The following CAMTA1 variants were observed in gnomAD, a reference collection of about 807,000 sequenced individuals.
The protein encoded by CAMTA1 is calmodulin-binding transcription activator 1.
CAMTA1 carries 27 observed loss-of-function variants against 170.9 expected under a neutral mutation model. That is an observed-to-expected ratio of 0.16 (90% confidence interval 0.12 to 0.22). The LOEUF is 0.22. CAMTA1 is among the 10% of genes least tolerant of loss of function. The pLI, the probability that CAMTA1 is intolerant of heterozygous loss-of-function variation, is 1.00. For synonymous variants in CAMTA1, 833 were observed against 891.5 expected (o/e 0.93, Z 1.17); for missense variants, 1,619 against 2,217.2 (o/e 0.73, Z 5.42).
chr1:7,404,482 C>T (rs56972955), intron 5 of CAMTA1, among the ~76,000 whole-genome samples: 3,046 of 152,328 alleles, frequency 0.02, 98 homozygotes, highest in African/African-American at 0.069. Context: ...GCGGGCTTCC[C>T]GAGGAGAGTG....
At chr1:7,675,917 T>TG (rs1171446957) in intron 10 of CAMTA1, among the ~76,000 whole-genome samples, 1 of 152,190 alleles carries the variant, frequency 6.6e-6, no homozygotes, top group Non-Finnish European at 1.5e-5. Context: ...AGAAATGCCT[T>TG]GGAGTCTGCC....
rs1040036608 is a variant in CAMTA1, at chr1:7,745,963, G to C, written c.4489G>C (p.Glu1497Gln). The stretch of plus-strand genomic sequence containing the variant: ...CCTTCCCTCCGCCGCGGATTGGTCA[G>C]AATTCCTGAGTGCATCTACCAGTGA... The part of the protein sequence containing the change: ...PNLPSAADWS[E>Q]FLSASTSEKV... The change falls in exon 18 of 23, where the codon GAA becomes CAA. Residue 1497 changes from glutamate to glutamine, a missense_variant. Physicochemically the swap from Glu to Gln is conservative, Grantham distance 29. Around this residue, in one of 8 missense-constraint regions of CAMTA1, gnomAD observed 370 missense variants for 429.4 expected, o/e 0.86. Transcript: ENST00000303635. 1.2e-6 allele frequency: 2 copies of C among 1,614,092 alleles called. No individual in the cohort carries two copies. The highest frequency in any genetic ancestry group is 2.7e-5 in the African/African-American group (2 of 74,926).
chr1:7,564,993 G>A (rs1433947546), intron 6 of CAMTA1, among the ~76,000 whole-genome samples: 1 of 151,746 alleles, frequency 6.6e-6, no homozygotes, highest in African/African-American at 2.4e-5. Flanking sequence ...GGATGAGGAA[G>A]ACAGGGTGAC....
chr1:7,182,509 A>AAC (rs1553266610), intron 4 of CAMTA1, among the ~76,000 whole-genome samples: 54 of 150,320 alleles, frequency 3.6e-4, no homozygotes, highest in South Asian at 1.5e-3. Context: ...AAAAAAAAAA[A>AAC]AAAACACTAG....
rs1048432826 is a variant in CAMTA1, at chr1:6,790,847, T to C, written c.45+5272T>C. On this transcript the variant is annotated intron_variant, in intron 1 of 22. Coordinates refer to ENST00000303635, the MANE Select transcript of CAMTA1 (RefSeq NM_015215.4). ...GTATAAATAATGATAATAATAAAAA[T>C]TACTAACAATTTGAAATACCCCTTT... Among the ~76,000 whole-genome samples the C allele has an allele frequency of 2.0e-5, 3 of 152,200 alleles. No individual in the cohort carries two copies. In the East Asian group the frequency reaches 5.8e-4, roughly 29 times the overall value.
intron 6 of CAMTA1, among the ~76,000 whole-genome samples, chr1:7,473,979 T>C (rs72642868): frequency 6.6e-6 from 1 of 152,210 alleles, no homozygotes; most frequent in Non-Finnish European, 1.5e-5. Flanking sequence ...GCAGGGTCCC[T>C]GAACCCCAGC....
chr1:7,477,209 G>A lies in CAMTA1; in HGVS notation c.510+9308G>A, dbSNP rs548927882. On this transcript the variant is annotated intron_variant, in intron 6 of 22. Coordinates refer to ENST00000303635, the MANE Select transcript of CAMTA1 (RefSeq NM_015215.4). Reference sequence around the variant, plus strand: ...AAACCCAGCCCTGGTCTTAGAAGCCGCCTCGAAAGCTTCATCTGGACTAGT... The same window carrying A: ...AAACCCAGCCCTGGTCTTAGAAGCCACCTCGAAAGCTTCATCTGGACTAGT... Among the ~76,000 whole-genome samples, 17 of 152,252 alleles carry A rather than the reference G, an allele frequency of 1.1e-4. No homozygotes were observed. In the South Asian group the frequency reaches 2.9e-3, roughly 26 times the overall value.
At chr1:7,640,699 C>A in intron 7 of CAMTA1, 146 bp downstream of exon 7, 2 of 946,878 alleles carry the variant, frequency 2.1e-6, no homozygotes, top group South Asian at 1.6e-5. Flanking sequence ...GTGAGCTTAG[C>A]TTTTGCCCCA....
chr1:7,189,498 A>G (rs561803426), intron 4 of CAMTA1, among the ~76,000 whole-genome samples: 1 of 152,328 alleles, frequency 6.6e-6, no homozygotes, highest in African/African-American at 2.4e-5. Flanking sequence ...TCTCAAAAGA[A>G]TATATAGAAA....
At position 7,736,576 on chromosome 1, in the gene CAMTA1, C is replaced by T. The variant is rs144379181; in HGVS notation, c.3263+36C>T. The T allele has an allele frequency of 4.5e-4, 720 of 1,586,854 alleles. 2 individuals carry two copies. The African/African-American group carries it at 8.5e-3, about 19-fold the overall frequency. ...GGTGCAGCTGGCTGGGGGTCAGCCT[C>T]GCACATCCTCGCTCACATTCTTCCT... On this transcript the variant is annotated intron_variant, in intron 13 of 22. Coordinates refer to ENST00000303635, the MANE Select transcript of CAMTA1 (RefSeq NM_015215.4). This position sits in a 1 kb window ranked among gnomAD's most constrained non-coding sequence, Gnocchi z 4.5.
chr1:7,543,645 T>C (rs1487850623), intron 6 of CAMTA1, among the ~76,000 whole-genome samples: 1 of 152,244 alleles, frequency 6.6e-6, no homozygotes, highest in Non-Finnish European at 1.5e-5. Context: ...GGCTAAAGAC[T>C]CATTTGATGA....
chr1:7,492,298 G>A (rs1168254539), intron 6 of CAMTA1, among the ~76,000 whole-genome samples: 1 of 152,206 alleles, frequency 6.6e-6, no homozygotes, highest in Non-Finnish European at 1.5e-5. Flanking sequence ...GGGGGCCCAG[G>A]ACCTGCTCTG....
intron 6 of CAMTA1, among the ~76,000 whole-genome samples, chr1:7,632,525 C>T (rs1039767023): frequency 2.6e-5 from 4 of 152,254 alleles, no homozygotes; most frequent in African/African-American, 9.6e-5. Context: ...AAGAGTCAAA[C>T]AGATGTTGCA....
chr1:7,551,865 T>C (rs1033637736), intron 6 of CAMTA1, among the ~76,000 whole-genome samples: 34 of 152,182 alleles, frequency 2.2e-4, no homozygotes, highest in African/African-American at 8.2e-4. Context: ...CCTGATGGCC[T>C]CAGCACAGAA....
intron 4 of CAMTA1, among the ~76,000 whole-genome samples, chr1:7,147,643 A>G (rs1461710525): frequency 6.7e-6 from 1 of 149,246 alleles, no homozygotes; most frequent in African/African-American, 2.5e-5. Flanking sequence ...ATACACCACA[A>G]ATACACATAC....
At chr1:7,081,887 A>T (rs546304975) in intron 3 of CAMTA1, among the ~76,000 whole-genome samples, 2 of 152,362 alleles carry the variant, frequency 1.3e-5, no homozygotes, top group African/African-American at 4.8e-5. Context: ...CCAAGCAGGC[A>T]CATCTCTGGG....
chr1:7,663,622 C>G lies in CAMTA1; in HGVS notation c.1075C>G (p.Pro359Ala). 6.2e-7 allele frequency: 1 copy of G among 1,614,176 alleles called. No individual in the cohort carries two copies. The highest frequency in any genetic ancestry group is 8.5e-7 in the Non-Finnish European group (1 of 1,180,034). ...VEVPDTTQSSPVSISSGLNSD... is the reference protein window; with the variant it reads ...VEVPDTTQSSAVSISSGLNSD... Reference sequence around the variant, plus strand: ...AGTCCCCGACACCACCCAGAGCTCCCCTGTGTCCATCAGCAGCGGGCTCAA... The same window carrying G: ...AGTCCCCGACACCACCCAGAGCTCCGCTGTGTCCATCAGCAGCGGGCTCAA... The change falls in exon 9 of 23, where the codon CCT (proline) becomes GCT (alanine). Residue 359 changes from proline to alanine, a missense_variant. Pro to Ala is a conservative substitution (Grantham distance 27). Transcript: ENST00000303635.
intron 3 of CAMTA1, among the ~76,000 whole-genome samples, chr1:7,054,746 T>C (rs940436245): frequency 6.6e-6 from 1 of 152,234 alleles, no homozygotes; most frequent in Non-Finnish European, 1.5e-5. Context: ...GCCTCTGGCC[T>C]TCAGTGTTCT....
rs936964185 is a variant in CAMTA1, at chr1:7,041,528, C to T, written c.235-49776C>T. On this transcript the variant is annotated intron_variant, in intron 3 of 22. Transcript: ENST00000303635. This position sits in a 1 kb window ranked among gnomAD's most constrained non-coding sequence, Gnocchi z 5.1. ...GTTATGTGGGGCTGAGAAACTCTTA[C>T]GAAATTAAGCATAATGCGAAAACAT... Among the ~76,000 whole-genome samples the T allele has an allele frequency of 5.9e-5, 9 of 152,128 alleles. No individual in the cohort carries two copies. Among genetic ancestry groups the T allele is most frequent in the East Asian group, 3.8e-4 (2 of 5,202 alleles).
Sources: gnomAD v4.1 joint callset for allele counts (sites outside exome capture counted in the v4.1 genomes callset) on GRCh38, gnomAD v4.1.1 for gene constraint, gnomAD v4.1.1 regional missense constraint, Gnocchi (gnomAD v3.1) non-coding constraint, MANE v1.5 for transcripts, NCBI Gene and HGNC (gene_info 2026-07-23, HGNC 2026-07-21) for gene names.